Variants in AIMP1 observed in about 807,000 individuals in gnomAD.
AIMP1 encodes aminoacyl tRNA synthase complex-interacting multifunctional protein 1.
AIMP1 carries 24 observed loss-of-function variants against 33.1 expected under a neutral mutation model. The ratio of observed to expected loss-of-function variants is 0.73; its 90% CI spans 0.53 to 1.02. The LOEUF (loss-of-function observed/expected upper bound fraction) is 1.02. Ranked by LOEUF, AIMP1 falls within the 50% of genes least tolerant of loss-of-function variation. The pLI is 0.00. For missense variants in AIMP1, 367 were observed against 364.8 expected (o/e 1.01, Z -0.05); for synonymous variants, 120 against 121.5 (o/e 0.99, Z 0.08).
At chr4:106,347,366 G>A (rs1770343384) in intron 6 of AIMP1, among the ~76,000 whole-genome samples, 160 bp from the exon 7 acceptor site, 1 of 152,032 alleles carries the variant, frequency 6.6e-6, no homozygotes, top group East Asian at 1.9e-4. Context: ...AATATAAACT[G>A]CTGACATAAT....
At chr4:106,337,089 G>A in intron 6 of AIMP1, 52 bp downstream of exon 6, 1 of 1,512,502 alleles carries the variant, frequency 6.6e-7, no homozygotes, top group Non-Finnish European at 9.2e-7. Context: ...TTCTCAAAGT[G>A]ATGTTTGTAA....
At chr4:106,329,259 T>C (rs1229601070) in intron 4 of AIMP1, among the ~76,000 whole-genome samples, 1 of 152,240 alleles carries the variant, frequency 6.6e-6, no homozygotes, top group Non-Finnish European at 1.5e-5. Flanking sequence ...TTCTAGTTTA[T>C]AAAGTACGTT....
At chr4:106,327,996 C>A in intron 3 of AIMP1, 80 bp from the exon 4 acceptor site, 1 of 1,564,466 alleles carries the variant, frequency 6.4e-7, no homozygotes, top group Non-Finnish European at 8.7e-7. Flanking sequence ...AAAGAGTTCC[C>A]ATTTGTGGTT....
rs1186997447 is a variant in AIMP1, at chr4:106,324,957, T to C, written c.-25-28T>C. The C allele has an allele frequency of 4.5e-6, 7 of 1,562,992 alleles. No homozygotes were observed. The East Asian group carries it at 1.2e-4, about 26-fold the overall frequency. ...GTATAAATTTATTCCTTTCACAGTG[T>C]AATTTATCACTTTTATTTTTCCTAT... On this transcript the variant is annotated intron_variant, in intron 1 of 6. Transcript: ENST00000672341.
intron 5 of AIMP1, 126 bp from the exon 6 acceptor site, chr4:106,336,737 CACAAAG>C: frequency 1.1e-6 from 1 of 904,630 alleles, no homozygotes; most frequent in Non-Finnish European, 1.8e-6. Context: ...ACTTTGGGCA[CACAAAG>C]ACAAAGGTAC....
intron 3 of AIMP1, 151 bp from the exon 4 acceptor site, chr4:106,327,925 C>A: frequency 8.2e-7 from 1 of 1,221,242 alleles, no homozygotes; most frequent in Non-Finnish European, 1.1e-6. Context: ...TTTTTGGCAG[C>A]CATTTTATAG....
chr4:106,329,772 CTTTTTTTTTTTTT>C (rs59016309), intron 4 of AIMP1, among the ~76,000 whole-genome samples: 1,188 of 53,144 alleles, frequency 0.022, 32 homozygotes, highest in African/African-American at 0.074. Flanking sequence ...TGCTACATAT[CTTTTTTTTTTTTT>C]TTTTTTTTTT....
chr4:106,335,977 A>G (rs1416185531), intron 5 of AIMP1, among the ~76,000 whole-genome samples: 2 of 150,554 alleles, frequency 1.3e-5, no homozygotes, highest in Admixed American at 6.6e-5. Flanking sequence ...AATTTGTAGA[A>G]CTAGCCCTAC....
At chr4:106,328,869 A>G (rs895639854) in intron 4 of AIMP1, among the ~76,000 whole-genome samples, 2 of 152,140 alleles carry the variant, frequency 1.3e-5, no homozygotes, top group African/African-American at 4.8e-5. Flanking sequence ...CAGGTTTTCA[A>G]CGATCTTTCA....
In AIMP1 at chr4:106,327,577, A is replaced by AG; in HGVS notation, c.223+14dup. The AG allele has an allele frequency of 6.3e-7, 1 of 1,578,734 alleles. No individual in the cohort carries two copies. The highest frequency in any genetic ancestry group is 8.7e-7 in the Non-Finnish European group (1 of 1,149,998). ...ATTCAAAATGGAGGTAATTAAATAT[A>AG]GAAAATTTGAGTAATCCAGAAGTTA... On this transcript the variant is annotated intron_variant, in intron 3 of 6. Transcript: ENST00000672341.
chr4:106,346,021 T>G (rs1770283543), intron 6 of AIMP1, among the ~76,000 whole-genome samples: 1 of 151,608 alleles, frequency 6.6e-6, no homozygotes, highest in Non-Finnish European at 1.5e-5. Flanking sequence ...CATTACTTAA[T>G]TATACTTCAG....
chr4:106,321,956 T>G (rs1439876741), intron 1 of AIMP1, among the ~76,000 whole-genome samples: 2 of 131,658 alleles, frequency 1.5e-5, no homozygotes, highest in South Asian at 2.2e-4. Flanking sequence ...TGGCCCCTGC[T>G]CTCTGAAACA....
intron 4 of AIMP1, among the ~76,000 whole-genome samples, chr4:106,330,292 G>A (rs1421637836): frequency 6.6e-6 from 1 of 152,140 alleles, no homozygotes; most frequent in Non-Finnish European, 1.5e-5. Context: ...TTATACTACA[G>A]TATTTTTAAA....
chr4:106,346,201 A>C (rs1049251308), intron 6 of AIMP1, among the ~76,000 whole-genome samples: 4 of 152,126 alleles, frequency 2.6e-5, no homozygotes, highest in African/African-American at 9.7e-5. Context: ...CTTTTCTGTC[A>C]TTAAGTAGAG....
At chr4:106,331,567 T>C (rs926671203) in intron 4 of AIMP1, 105 bp from the exon 5 acceptor site, 4 of 942,764 alleles carry the variant, frequency 4.2e-6, no homozygotes, top group Non-Finnish European at 1.7e-6. Context: ...ACATTCTTTT[T>C]ATTTTTTCCT....
chr4:106,340,272 G>A (rs1043226968), intron 6 of AIMP1, among the ~76,000 whole-genome samples: 16 of 147,914 alleles, frequency 1.1e-4, no homozygotes, highest in Non-Finnish European at 2.1e-4. Context: ...ATTAAACTAA[G>A]GTTTTTTGGG....
At chr4:106,344,433 A>C (rs930729721) in intron 6 of AIMP1, among the ~76,000 whole-genome samples, 1 of 152,096 alleles carries the variant, frequency 6.6e-6, no homozygotes, top group Non-Finnish European at 1.5e-5. Flanking sequence ...CAATCTGTAC[A>C]TCTTCTCCTC....
At chr4:106,317,489 GAGGAGGACGTGGT>G (rs2125916910) in intron 1 of AIMP1, among the ~76,000 whole-genome samples, 1 of 152,306 alleles carries the variant, frequency 6.6e-6, no homozygotes, top group South Asian at 2.1e-4. Flanking sequence ...AAAATACACA[GAGGAGGACGTGGT>G]AGGAGAAAGG....
chr4:106,317,454 C>T (rs1401892553), intron 1 of AIMP1, among the ~76,000 whole-genome samples: 1 of 152,124 alleles, frequency 6.6e-6, no homozygotes, highest in Non-Finnish European at 1.5e-5. Flanking sequence ...CTCTGACTTC[C>T]TTTTAAGAGG....
Sources: gnomAD v4.1 joint callset for allele counts (sites outside exome capture counted in the v4.1 genomes callset) on GRCh38, gnomAD v4.1.1 for gene constraint, MANE v1.5 for transcripts, NCBI Gene and HGNC (gene_info 2026-07-23, HGNC 2026-07-21) for gene names.